The following ICA1 variants were observed in gnomAD, a reference collection of about 807,000 sequenced individuals.
The protein encoded by ICA1 is 69 kDa islet cell autoantigen.
Under a neutral mutation model 71.0 loss-of-function variants are expected in ICA1, and 40 were observed. The observed-to-expected ratio is 0.56, with a 90% CI of 0.44 to 0.73. The LOEUF (loss-of-function observed/expected upper bound fraction) is 0.73, where lower values mean the gene tolerates loss of function less well. Among genes scored for constraint, ICA1 ranks in the 30% least tolerant of loss-of-function variants. The pLI, the probability that ICA1 is intolerant of heterozygous loss-of-function variation, is 0.00. For missense variants in ICA1, 578 were observed against 576.5 expected, an observed-to-expected ratio of 1.00 and a Z score of -0.03; for synonymous variants, 207 against 209.5, an observed-to-expected ratio of 0.99 and a Z score of 0.10.
At position 8,173,185 on chromosome 7, in the gene ICA1, C is replaced by T. The variant is rs1344638898; in HGVS notation, c.580-14533G>A. ...TCCCCTCTCTAAGTAACCAGGGCTC[C>T]TTGACAAAACTGCTGATTCCAGGAC... is the stretch of plus-strand genomic sequence containing the variant. On this transcript the variant is annotated intron_variant, in intron 6 of 13. Transcript: ENST00000402384. The surrounding 1 kb of genome is among the most constrained non-coding windows in gnomAD (Gnocchi z 4.0). Among the ~76,000 whole-genome samples the T allele has an allele frequency of 6.6e-6, 1 of 152,160 alleles. No individual in the cohort carries two copies. Among genetic ancestry groups the T allele is most frequent in the African/African-American group, 2.4e-5 (1 of 41,430 alleles).
rs1796108812 is a variant in ICA1 at position 8,144,030 on chromosome 7, A to C, written c.805-58T>G. 6.3e-6 allele frequency: 6 copies of C among 953,094 alleles called. No homozygotes were observed. Among genetic ancestry groups the C allele is most frequent in the Admixed American group, 5.1e-5 (2 of 38,932 alleles). The allele number at this position is 953,094 out of a possible 1,614,324, so 59.0% of individuals were successfully genotyped here. A position where few individuals can be genotyped will look rare whatever the true frequency, so the allele number is the denominator to read the frequency against. On this transcript the variant is annotated intron_variant, in intron 8 of 13. Coordinates refer to ENST00000402384, the MANE Select transcript of ICA1 (RefSeq NM_001136020.3). This position sits in a 1 kb window ranked among gnomAD's most constrained non-coding sequence, Gnocchi z 4.5. ...AAAAAAAAGAAGAAGAAATAGAGAC[A>C]AAAAAAAGAAAAGAAAGGTTATCAA...
Position 8,124,415 on chromosome 7 carries a change from A to G in ICA1, c.1330+3458T>C, listed in dbSNP as rs181303481. Reference sequence around the variant, plus strand: ...ATTACAGGCATGAGCCACCGCGCCCAGCCGTGTATAGGTAGATTTTCTAGG... The same window carrying G: ...ATTACAGGCATGAGCCACCGCGCCCGGCCGTGTATAGGTAGATTTTCTAGG... On this transcript the variant is annotated intron_variant, in intron 13 of 13. Transcript: ENST00000402384. Among the ~76,000 whole-genome samples the G allele has an allele frequency of 3.1e-3, 464 of 151,266 alleles. 13 individuals carry two copies. Among genetic ancestry groups the G allele is most frequent in the Admixed American group, 0.027 (406 of 15,196 alleles).
chr7:8,244,564 T>C (rs1805218575), intron 1 of ICA1, among the ~76,000 whole-genome samples: 1 of 152,168 alleles, frequency 6.6e-6, no homozygotes, highest in Admixed American at 6.5e-5. Context: ...ACATGGGATC[T>C]AATTAAACTA....
Position 8,232,628 on chromosome 7 carries a change from C to A in ICA1, c.145G>T (p.Val49Phe). ...TCCAGGTCCGCGTCAGAGGCAACAA[C>A]ATGTTCATCTTCCTTCTTCCCTGTG... ...KATGKKEDEH[V>F]VASDADLDAK... Residue 49 changes from valine to phenylalanine, a missense_variant, in exon 3 of 14, where the codon GTT becomes TTT. Transcript: ENST00000402384. 6.2e-7 allele frequency: 1 copy of A among 1,613,106 alleles called. No individual in the cohort carries two copies. Among genetic ancestry groups the A allele is most frequent in the South Asian group, 1.1e-5 (1 of 90,814 alleles).
At chr7:8,198,331 G>C (rs927638988) in intron 6 of ICA1, among the ~76,000 whole-genome samples, 1 of 152,214 alleles carries the variant, frequency 6.6e-6, no homozygotes, top group Non-Finnish European at 1.5e-5. Flanking sequence ...GCAAAGCATT[G>C]TTTGGAGAAA....
chr7:8,252,551 G>A (rs886942814), intron 1 of ICA1, among the ~76,000 whole-genome samples: 49 of 152,098 alleles, frequency 3.2e-4, no homozygotes, highest in African/African-American at 1.1e-3. Context: ...CTTGAGATAC[G>A]GCTGGTATGA....
At chr7:8,129,374 TTTAA>T (rs930507614) in intron 12 of ICA1, among the ~76,000 whole-genome samples, 1 of 151,692 alleles carries the variant, frequency 6.6e-6, no homozygotes, top group African/African-American at 2.4e-5. Flanking sequence ...AGGCTTTTTT[TTTAA>T]AAAAAAAAAA....
chr7:8,199,621 G>A (rs913891575), intron 6 of ICA1, among the ~76,000 whole-genome samples: 1 of 152,188 alleles, frequency 6.6e-6, no homozygotes, highest in Admixed American at 6.5e-5. Context: ...GGCTGAGGCA[G>A]GAGAATTGCC....
At chr7:8,157,449 T>C (rs1430921595) in intron 7 of ICA1, 2 of 474,604 alleles carry the variant, frequency 4.2e-6, no homozygotes. Context: ...ACCTGGGACA[T>C]TCTCCTCTCC....
At chr7:8,161,915 G>T (rs1803981982) in intron 6 of ICA1, among the ~76,000 whole-genome samples, 1 of 152,184 alleles carries the variant, frequency 6.6e-6, no homozygotes. Context: ...ATAGACAACT[G>T]ATATAAACTG....
intron 6 of ICA1, among the ~76,000 whole-genome samples, chr7:8,194,785 C>T (rs1317081276): frequency 2.6e-5 from 4 of 151,948 alleles, no homozygotes; most frequent in African/African-American, 2.4e-5. Flanking sequence ...TTTTTTGACA[C>T]ACAGGGAAAT....
At chr7:8,151,955 G>C (rs1798947337) in intron 8 of ICA1, among the ~76,000 whole-genome samples, 1 of 152,128 alleles carries the variant, frequency 6.6e-6, no homozygotes, top group South Asian at 2.1e-4. Context: ...GGTTTCCTTA[G>C]CGTTAAAATC....
chr7:8,181,726 T>C (rs1402674951), intron 6 of ICA1, among the ~76,000 whole-genome samples: 1 of 152,210 alleles, frequency 6.6e-6, no homozygotes, highest in African/African-American at 2.4e-5. Flanking sequence ...TTTTCAGTTT[T>C]TAAACGTGGC....
At chr7:8,167,521 C>T (rs147604948) in intron 6 of ICA1, among the ~76,000 whole-genome samples, 42 of 152,250 alleles carry the variant, frequency 2.8e-4, no homozygotes, top group African/African-American at 9.6e-4. Context: ...AACTGCCTAT[C>T]AGCTACTATG....
rs771265439 is a variant in ICA1, at chr7:8,223,522, A to T, written c.257-2124T>A. On this transcript the variant is annotated intron_variant, in intron 4 of 13. Transcript: ENST00000402384. The surrounding 1 kb of genome is among the most constrained non-coding windows in gnomAD (Gnocchi z 4.1). ...AGTGGAAAGAAGTGTGAGCTCCATC[A>T]GGGTCAAGGTTAGATTTTCTGAGAA... 6.5e-6 allele frequency: 1 copy of T among 154,608 alleles called. No homozygotes were observed. Among genetic ancestry groups the T allele is most frequent in the African/African-American group, 2.4e-5 (1 of 41,532 alleles). The allele number at this position is 154,608 out of a possible 1,614,324, so 9.6% of individuals were successfully genotyped here.
chr7:8,134,800 CAG>C (rs1373650272), intron 12 of ICA1, among the ~76,000 whole-genome samples: 4 of 151,810 alleles, frequency 2.6e-5, no homozygotes, highest in Non-Finnish European at 4.4e-5. Context: ...ATAATAAGAA[CAG>C]AGAGAGGAAA....
In ICA1 at chr7:8,228,608, C is replaced by T. The variant is rs1799345156; in HGVS notation, c.249G>A (p.Arg83=). The T allele has an allele frequency of 6.3e-7, 1 of 1,582,496 alleles. No homozygotes were observed. The highest frequency in any genetic ancestry group is 8.6e-7 in the Non-Finnish European group (1 of 1,158,826). Residue 83 remains arginine (R), a synonymous_variant, in exon 4 of 14, where the codon AGG becomes AGA. Coordinates refer to ENST00000402384, the MANE Select transcript of ICA1 (RefSeq NM_001136020.3). The part of the protein sequence containing the change: ...LSKAIVLYQK[R]ICFLSQEENE... Reference sequence around the variant, plus strand: ...TACTGATGTCATACTTACAACATATCCTCTTTTGATAGAGTACAATTGCTT... The same window carrying T: ...TACTGATGTCATACTTACAACATATTCTCTTTTGATAGAGTACAATTGCTT...
chr7:8,161,464 T>C (rs1425433974), intron 6 of ICA1, among the ~76,000 whole-genome samples: 1 of 152,240 alleles, frequency 6.6e-6, no homozygotes, highest in East Asian at 1.9e-4. Context: ...AACTCTGTAG[T>C]GTTCTCCTAC....
At chr7:8,191,578 G>A (rs931082951) in intron 6 of ICA1, among the ~76,000 whole-genome samples, 5 of 152,220 alleles carry the variant, frequency 3.3e-5, no homozygotes, top group African/African-American at 9.6e-5. Context: ...ATGCTGTTTG[G>A]TAGGTTTGGT....
Sources: allele counts gnomAD v4.1 joint callset (sites outside exome capture counted in the v4.1 genomes callset), GRCh38; gene constraint gnomAD v4.1.1; non-coding constraint Gnocchi (gnomAD v3.1); transcripts MANE v1.5; gene names NCBI Gene and HGNC (gene_info 2026-07-23, HGNC 2026-07-21).